Variants in COL25A1 observed in about 807,000 individuals in gnomAD.
COL25A1 encodes the protein collagen type XXV alpha 1 chain, also known as collagen alpha-1(XXV) chain.
Under a neutral mutation model 128.4 loss-of-function variants are expected in COL25A1, and 103 were observed. The observed-to-expected ratio is 0.80, with a 90% CI of 0.68 to 0.94. The LOEUF (loss-of-function observed/expected upper bound fraction) is 0.94. Ranked by LOEUF, COL25A1 falls within the 40% of genes least tolerant of loss-of-function variation. The pLI, the probability that COL25A1 is intolerant of heterozygous loss-of-function variation, is 0.00. For synonymous variants in COL25A1, 279 were observed against 277.2 expected, an observed-to-expected ratio of 1.01 and a Z score of -0.06; for missense variants, 745 against 840.0, an observed-to-expected ratio of 0.89 and a Z score of 1.40.
intron 3 of COL25A1, among the ~76,000 whole-genome samples, chr4:109,191,855 C>G (rs933135172): frequency 3.9e-5 from 6 of 152,186 alleles, no homozygotes; most frequent in Non-Finnish European, 7.3e-5. Context: ...GATTCAATCT[C>G]TATGCTAGAG....
intron 3 of COL25A1, among the ~76,000 whole-genome samples, chr4:109,126,203 A>G (rs1579447133): frequency 6.6e-6 from 1 of 152,220 alleles, no homozygotes; most frequent in East Asian, 1.9e-4. Flanking sequence ...CATGCAAATG[A>G]AAAACATACT....
At chr4:108,838,735 A>T (rs1734088342) in intron 31 of COL25A1, among the ~76,000 whole-genome samples, 1 of 152,186 alleles carries the variant, frequency 6.6e-6, no homozygotes, top group Non-Finnish European at 1.5e-5. Context: ...TAATCAACAA[A>T]TCACCAATCC....
chr4:109,208,512 T>A (rs1424515115), intron 3 of COL25A1, among the ~76,000 whole-genome samples: 1 of 151,496 alleles, frequency 6.6e-6, no homozygotes, highest in Non-Finnish European at 1.5e-5. Context: ...TTATTAAATC[T>A]CATTCAGATA....
At chr4:108,937,583 C>T (rs1292557092) in intron 11 of COL25A1, among the ~76,000 whole-genome samples, 2 of 110,682 alleles carry the variant, frequency 1.8e-5, no homozygotes, top group Non-Finnish European at 4.1e-5. Flanking sequence ...GCATCTCTGT[C>T]GCTCCCCACA....
rs1553961829 is a variant in COL25A1 at position 109,218,357 on chromosome 4, G to GTTTTTTTTTTGTTTGTTTTTTT, written c.367+82225_367+82226insAAAAAAACAAACAAAAAAAAAA. On this transcript the variant is annotated intron_variant, in intron 3 of 37. Coordinates refer to ENST00000399132, the MANE Select transcript of COL25A1 (RefSeq NM_198721.4). Reference sequence around the variant, plus strand: ...CAGAATCAATTGCTGGTTTTTTGGGGTTTTTTTTTTTTTTTTTTTTTTTTT... The same window carrying GTTTTTTTTTTGTTTGTTTTTTT: ...CAGAATCAATTGCTGGTTTTTTGGGGTTTTTTTTTTGTTTGTTTTTTTTTTTTTTTTTTTTTTTTTTTTTTTT... Among the ~76,000 whole-genome samples, 473 of 73,330 alleles carry GTTTTTTTTTTGTTTGTTTTTTT rather than the reference G, an allele frequency of 6.5e-3. 1 individual carries two copies. Among genetic ancestry groups the GTTTTTTTTTTGTTTGTTTTTTT allele is most frequent in the Middle Eastern group, 0.017 (1 of 58 alleles). 48.1% of individuals were successfully genotyped at this position (73,330 alleles called of 152,430 possible). A position where few individuals can be genotyped will look rare whatever the true frequency, so the allele number is the denominator to read the frequency against.
chr4:108,962,775 CTAA>C (rs1750872317), intron 8 of COL25A1, among the ~76,000 whole-genome samples: 1 of 152,030 alleles, frequency 6.6e-6, no homozygotes, highest in African/African-American at 2.4e-5. Flanking sequence ...TTCATTTGTG[CTAA>C]TAAAACCCAC....
intron 3 of COL25A1, among the ~76,000 whole-genome samples, chr4:109,138,094 G>A (rs889868160): frequency 2.0e-5 from 3 of 151,300 alleles, no homozygotes; most frequent in South Asian, 2.1e-4. Context: ...CCATCAACCC[G>A]TCATCTACAT....
intron 3 of COL25A1, among the ~76,000 whole-genome samples, chr4:109,079,859 T>G (rs1357979843): frequency 6.9e-6 from 1 of 145,370 alleles, no homozygotes; most frequent in Non-Finnish European, 1.5e-5. Flanking sequence ...CTGAAATAAT[T>G]AGAGACTACA....
At chr4:109,110,827 C>G (rs1222987010) in intron 3 of COL25A1, among the ~76,000 whole-genome samples, 1 of 152,148 alleles carries the variant, frequency 6.6e-6, no homozygotes, top group Admixed American at 6.6e-5. Flanking sequence ...CATATATTTC[C>G]CTTTCCTCTT....
chr4:108,942,303 A>G lies in COL25A1; in HGVS notation c.493-866T>C, dbSNP rs1033715836. On this transcript the variant is annotated intron_variant, in intron 8 of 37. Transcript: ENST00000399132. ...TAGCACAGCACCAAAACAACACGAC[A>G]TAAAACGTCACACAGACATTTCACT... 3 of 1,539,784 alleles carry G rather than the reference A, an allele frequency of 1.9e-6. No individual in the cohort carries two copies. In the Middle Eastern group the frequency reaches 5.0e-4, roughly 258 times the overall value.
intron 3 of COL25A1, among the ~76,000 whole-genome samples, chr4:109,164,292 A>C (rs1319063294): frequency 6.6e-6 from 1 of 152,234 alleles, no homozygotes; most frequent in East Asian, 1.9e-4. Flanking sequence ...AATTTAGCAT[A>C]GTGAAACAAT....
At chr4:109,087,179 C>A (rs945982616) in intron 3 of COL25A1, among the ~76,000 whole-genome samples, 19 of 152,020 alleles carry the variant, frequency 1.2e-4, no homozygotes, top group African/African-American at 4.6e-4. Flanking sequence ...CATGGCTGGA[C>A]CCCAGCCCTC....
At chr4:108,868,856 AGAAG>A (rs539204091) in intron 20 of COL25A1, among the ~76,000 whole-genome samples, 224 of 149,310 alleles carry the variant, frequency 1.5e-3, no homozygotes, top group Middle Eastern at 3.5e-3. Context: ...TAGGAAGGAA[AGAAG>A]GAAGGAAGAG....
At chr4:108,859,189 T>C (rs1736873563) in intron 24 of COL25A1, among the ~76,000 whole-genome samples, 1 of 152,154 alleles carries the variant, frequency 6.6e-6, no homozygotes, top group Admixed American at 6.5e-5. Context: ...AACAAGGCTA[T>C]GAGGCAGATA....
intron 3 of COL25A1, among the ~76,000 whole-genome samples, chr4:109,258,276 T>C (rs1474707810): frequency 6.6e-5 from 10 of 152,344 alleles, no homozygotes; most frequent in African/African-American, 2.2e-4. Context: ...TCACTAACCA[T>C]ACAGTATTCA....
chr4:108,943,837 AC>A (rs915993879), intron 8 of COL25A1, among the ~76,000 whole-genome samples: 6 of 151,108 alleles, frequency 4.0e-5, no homozygotes, highest in African/African-American at 1.5e-4. Context: ...AAAAAAAAAA[AC>A]ACAGAACATG....
At chr4:108,848,628 C>G (rs527910595) in intron 27 of COL25A1, 131 bp downstream of exon 27, 1 of 662,758 alleles carries the variant, frequency 1.5e-6, no homozygotes, top group South Asian at 2.0e-5. Context: ...TCAATGAAGT[C>G]TCTAGAACAA....
chr4:109,234,458 T>C (rs1296473982), intron 3 of COL25A1, among the ~76,000 whole-genome samples: 1 of 152,138 alleles, frequency 6.6e-6, no homozygotes, highest in African/African-American at 2.4e-5. Flanking sequence ...TAGGTCTATG[T>C]CAATTTGGTT....
At chr4:109,176,304 C>A (rs1690856076) in intron 3 of COL25A1, among the ~76,000 whole-genome samples, 1 of 152,080 alleles carries the variant, frequency 6.6e-6, no homozygotes, top group South Asian at 2.1e-4. Context: ...GCAGGGGAAT[C>A]GCTTGAACCT....
Sources: gnomAD v4.1 joint callset for allele counts (sites outside exome capture counted in the v4.1 genomes callset) on GRCh38, gnomAD v4.1.1 for gene constraint, MANE v1.5 for transcripts, NCBI Gene and HGNC (gene_info 2026-07-23, HGNC 2026-07-21) for gene names.